The following DCC variants were observed in gnomAD, a reference collection of about 807,000 sequenced individuals.
DCC encodes netrin receptor DCC.
Under a neutral mutation model 172.5 loss-of-function variants are expected in DCC, and 58 were observed. That is an observed-to-expected ratio of 0.34 (90% confidence interval 0.27 to 0.42). DCC has a LOEUF of 0.42. Ranked by LOEUF, DCC falls within the 10% of genes least tolerant of loss-of-function variation. DCC has a pLI of 1.00. For synonymous variants in DCC, 709 were observed against 644.5 expected, an observed-to-expected ratio of 1.10 and a Z score of -1.52; for missense variants, 1,740 against 1,791.0, an observed-to-expected ratio of 0.97 and a Z score of 0.51.
intron 1 of DCC, among the ~76,000 whole-genome samples, chr18:52,714,413 T>C (rs1294213309): frequency 6.6e-6 from 1 of 152,116 alleles, no homozygotes; most frequent in Non-Finnish European, 1.5e-5. Context: ...AATGAAGCAA[T>C]TTATTTAGGG....
At chr18:52,497,162 G>A (rs1175280429) in intron 1 of DCC, among the ~76,000 whole-genome samples, 1 of 150,410 alleles carries the variant, frequency 6.6e-6, no homozygotes, top group Non-Finnish European at 1.5e-5. Context: ...TCAGGAAGCT[G>A]AGGCAGGAGG....
chr18:53,364,899 G>A (rs2057986502), intron 15 of DCC, among the ~76,000 whole-genome samples: 1 of 152,000 alleles, frequency 6.6e-6, no homozygotes, highest in Non-Finnish European at 1.5e-5. Flanking sequence ...AAAGCAAAAT[G>A]GCTTTCTATA....
intron 1 of DCC, among the ~76,000 whole-genome samples, chr18:52,648,327 T>A (rs1475361531): frequency 1.3e-5 from 2 of 152,236 alleles, no homozygotes; most frequent in Non-Finnish European, 2.9e-5. Context: ...AACCAGTTGT[T>A]AAACACAAGC....
chr18:53,404,592 G>A (rs1450466653), intron 19 of DCC, among the ~76,000 whole-genome samples: 3 of 151,896 alleles, frequency 2.0e-5, no homozygotes, highest in Non-Finnish European at 2.9e-5. Context: ...TTAGCCGGGC[G>A]TGGTGGTGGG....
At chr18:53,352,406 A>G in intron 15 of DCC, among the ~76,000 whole-genome samples, 1 of 152,080 alleles carries the variant, frequency 6.6e-6, no homozygotes, top group East Asian at 1.9e-4. Flanking sequence ...ATGCATAATT[A>G]TTTAGGATTG....
intron 1 of DCC, among the ~76,000 whole-genome samples, chr18:52,644,363 G>A (rs1166512298): frequency 6.6e-6 from 1 of 152,136 alleles, no homozygotes; most frequent in Non-Finnish European, 1.5e-5. Context: ...TGGATCATGA[G>A]GTCAGGAGAT....
intron 1 of DCC, among the ~76,000 whole-genome samples, chr18:52,679,431 G>C (rs17755888): frequency 1.3e-5 from 2 of 151,588 alleles, no homozygotes; most frequent in African/African-American, 4.8e-5. Flanking sequence ...TGTTTTCCCC[G>C]TTTCATTTTA....
chr18:52,920,336 C>T (rs1182859962), intron 3 of DCC, among the ~76,000 whole-genome samples: 1 of 151,664 alleles, frequency 6.6e-6, no homozygotes, highest in African/African-American at 2.4e-5. Flanking sequence ...CAATCCGAAA[C>T]ACACAACAAA....
At chr18:52,619,141 T>G (rs2144856002) in intron 1 of DCC, among the ~76,000 whole-genome samples, 1 of 152,302 alleles carries the variant, frequency 6.6e-6, no homozygotes, top group African/African-American at 2.4e-5. Flanking sequence ...TTTCACCATG[T>G]TGGCCAGGCT....
At chr18:53,288,191 T>C (rs559414008) in intron 12 of DCC, among the ~76,000 whole-genome samples, 2 of 152,280 alleles carry the variant, frequency 1.3e-5, no homozygotes, top group African/African-American at 4.8e-5. Context: ...TTTTTGACAA[T>C]GACTATTGAC....
chr18:52,859,997 A>C (rs572773818), intron 2 of DCC, among the ~76,000 whole-genome samples: 1 of 152,370 alleles, frequency 6.6e-6, no homozygotes, highest in Admixed American at 6.5e-5. Context: ...TCAGTTTTGT[A>C]GTCCAGAGAG....
intron 22 of DCC, among the ~76,000 whole-genome samples, chr18:53,437,885 G>A (rs749202409): frequency 2.5e-4 from 38 of 152,188 alleles, no homozygotes; most frequent in Non-Finnish European, 5.0e-4. Context: ...GACCACTGCA[G>A]GACCAATACA....
chr18:53,003,055 G>A (rs749500958), intron 5 of DCC, among the ~76,000 whole-genome samples: 1 of 152,054 alleles, frequency 6.6e-6, no homozygotes, highest in Non-Finnish European at 1.5e-5. Context: ...AGCTTTAGGG[G>A]GAAAAGTTGG....
intron 3 of DCC, among the ~76,000 whole-genome samples, chr18:52,908,952 A>G (rs926494884): frequency 6.6e-6 from 1 of 152,186 alleles, no homozygotes; most frequent in African/African-American, 2.4e-5. Flanking sequence ...TACTTGGCTA[A>G]GCCTGTCTCG....
At chr18:52,455,582 G>A (rs1049064517) in intron 1 of DCC, among the ~76,000 whole-genome samples, 1 of 152,138 alleles carries the variant, frequency 6.6e-6, no homozygotes, top group Non-Finnish European at 1.5e-5. Context: ...TATGTGTTAT[G>A]GCAAGACTCA....
chr18:53,487,084 T>C, intron 26 of DCC, 126 bp downstream of exon 26: 1 of 1,284,184 alleles, frequency 7.8e-7, no homozygotes, highest in Non-Finnish European at 1.1e-6. Context: ...GGTACTAGAA[T>C]GTTCCTTTCC....
At chr18:53,171,664 C>T (rs1305489266) in intron 8 of DCC, among the ~76,000 whole-genome samples, 2 of 152,064 alleles carry the variant, frequency 1.3e-5, no homozygotes, top group African/African-American at 4.8e-5. Context: ...TTTACCTGGA[C>T]ATGTCCAGAT....
intron 2 of DCC, among the ~76,000 whole-genome samples, chr18:52,830,391 C>G (rs1003724329): frequency 5.9e-5 from 9 of 152,018 alleles, no homozygotes; most frequent in Non-Finnish European, 1.0e-4. Context: ...GATTGGATAT[C>G]CCTGGAAAGT....
intron 1 of DCC, among the ~76,000 whole-genome samples, chr18:52,452,608 T>TTG (rs1407024305): frequency 6.6e-6 from 1 of 152,196 alleles, no homozygotes; most frequent in African/African-American, 2.4e-5. Context: ...TGAGCTGCCG[T>TTG]TGTTGCCAAT....
Sources: gnomAD v4.1 joint callset for allele counts (sites outside exome capture counted in the v4.1 genomes callset) on GRCh38, gnomAD v4.1.1 for gene constraint, MANE v1.5 for transcripts, NCBI Gene and HGNC (gene_info 2026-07-23, HGNC 2026-07-21) for gene names.